The following SND1 variants were observed in gnomAD, a reference collection of about 807,000 sequenced individuals.
The protein encoded by SND1 is staphylococcal nuclease domain-containing protein 1.
A neutral mutation model predicts 121.7 loss-of-function variants in SND1; 38 were observed. The ratio of observed to expected loss-of-function variants is 0.31; its 90% CI spans 0.24 to 0.41. The LOEUF is 0.41. SND1 is among the 10% of genes least tolerant of loss of function. The pLI, the probability that SND1 is intolerant of heterozygous loss-of-function variation, is 1.00. For missense variants in SND1, 868 were observed against 1,184.6 expected (o/e 0.73, Z 3.92); for synonymous variants, 401 against 447.4 (o/e 0.90, Z 1.31).
At chr7:127,787,132 G>A (rs1797827333) in intron 10 of SND1, among the ~76,000 whole-genome samples, 1 of 152,120 alleles carries the variant, frequency 6.6e-6, no homozygotes, top group South Asian at 2.1e-4. Flanking sequence ...GGAACCTCTG[G>A]TACATACTTT....
rs1270487280 is a variant in SND1, at chr7:128,092,359, A to G, written c.*301A>G. On this transcript the variant is annotated 3_prime_UTR_variant, in exon 24 of 24. Coordinates refer to ENST00000354725, the MANE Select transcript of SND1 (RefSeq NM_014390.4). This position sits in a 1 kb window ranked among gnomAD's most constrained non-coding sequence, Gnocchi z 4.9. Reference sequence around the variant, plus strand: ...AAAAAAGTCCTCAAATCAGGAAGAAACATCAAAGACTATGTCCTAGTGGAG... The same window carrying G: ...AAAAAAGTCCTCAAATCAGGAAGAAGCATCAAAGACTATGTCCTAGTGGAG... 4.8e-6 allele frequency: 2 copies of G among 412,918 alleles called. No homozygotes were observed. Among genetic ancestry groups the G allele is most frequent in the Admixed American group, 4.0e-5 (1 of 25,164 alleles). The allele number at this position is 412,918 out of a possible 1,614,324, so 25.6% of individuals were successfully genotyped here. A position where few individuals can be genotyped will look rare whatever the true frequency, so the allele number is the denominator to read the frequency against.
chr7:127,685,411 G>C (rs980998030), intron 1 of SND1, among the ~76,000 whole-genome samples: 1 of 152,148 alleles, frequency 6.6e-6, no homozygotes, highest in African/African-American at 2.4e-5. Flanking sequence ...ACCTTTCGAA[G>C]CTATTTTTTA....
intron 11 of SND1, among the ~76,000 whole-genome samples, chr7:127,842,192 A>G (rs1584611599): frequency 6.6e-6 from 1 of 152,270 alleles, no homozygotes; most frequent in East Asian, 1.9e-4. Flanking sequence ...GCTGTCTTTA[A>G]GCTGATCAGT....
intron 10 of SND1, among the ~76,000 whole-genome samples, chr7:127,732,642 A>G (rs1017265522): frequency 1.3e-5 from 2 of 152,244 alleles, no homozygotes; most frequent in Non-Finnish European, 2.9e-5. Context: ...ACTGTATTCT[A>G]GTTTTCTTGA....
At chr7:127,904,238 T>A (rs957119753) in intron 13 of SND1, 3 of 152,502 alleles carry the variant, frequency 2.0e-5, no homozygotes, top group African/African-American at 7.2e-5. Context: ...ATTTGCTAAT[T>A]TTTTTTCCTA....
Position 127,991,038 on chromosome 7 carries a change from A to G in SND1, c.1761A>G (p.Glu587=). ...AGGAAGCTACACTTTTCACCAAGGA[A>G]CTGGTGCTGCAGCGAGAGGTAGGAC... ...FSEEATLFTK[E]LVLQREVEVE... Residue 587 remains glutamate (E), a synonymous_variant, in exon 16 of 24, where the codon GAA becomes GAG. Transcript: ENST00000354725. The G allele has an allele frequency of 6.2e-7, 1 of 1,613,130 alleles. No homozygotes were observed. Among genetic ancestry groups the G allele is most frequent in the East Asian group, 2.2e-5 (1 of 44,856 alleles).
At chr7:127,795,132 A>G (rs1292834295) in intron 10 of SND1, among the ~76,000 whole-genome samples, 1 of 152,198 alleles carries the variant, frequency 6.6e-6, no homozygotes, top group Non-Finnish European at 1.5e-5. Flanking sequence ...GATCTTCACA[A>G]CTATTAGCTA....
intron 16 of SND1, among the ~76,000 whole-genome samples, chr7:128,012,884 G>A (rs186525644): frequency 6.6e-6 from 1 of 152,282 alleles, no homozygotes; most frequent in Non-Finnish European, 1.5e-5. Flanking sequence ...TACCGAAGCA[G>A]AGGAAGCGTT....
chr7:127,891,226 G>A (rs1800004092), intron 13 of SND1, among the ~76,000 whole-genome samples: 1 of 152,084 alleles, frequency 6.6e-6, no homozygotes, highest in African/African-American at 2.4e-5. Context: ...ATGGTTTGGT[G>A]TTTTGTTTTG....
At chr7:127,904,699 C>T (rs774073141) in intron 13 of SND1, 48 bp from the exon 14 acceptor site, 1 of 1,304,472 alleles carries the variant, frequency 7.7e-7, no homozygotes, top group Non-Finnish European at 1.1e-6. Context: ...CCTACCCCTT[C>T]CCATTGTGAT....
intron 12 of SND1, among the ~76,000 whole-genome samples, chr7:127,877,895 A>G (rs1799720064): frequency 6.6e-6 from 1 of 152,086 alleles, no homozygotes; most frequent in Admixed American, 6.5e-5. Context: ...TTCAATGGGT[A>G]TGTGCTGTAG....
intron 15 of SND1, among the ~76,000 whole-genome samples, chr7:127,937,166 C>A (rs1563063888): frequency 6.6e-6 from 1 of 152,166 alleles, no homozygotes; most frequent in Non-Finnish European, 1.5e-5. Context: ...GCCGTGTTTG[C>A]ATTTCCTTAG....
chr7:128,082,502 A>T (rs1172832844), intron 18 of SND1, among the ~76,000 whole-genome samples: 1 of 152,152 alleles, frequency 6.6e-6, no homozygotes, highest in Non-Finnish European at 1.5e-5. Flanking sequence ...AAACTTGACC[A>T]TTCCTGGCCC....
intron 10 of SND1, among the ~76,000 whole-genome samples, chr7:127,764,056 A>AAAAAAAAAAAAAAAAAAAC (rs1554422863): frequency 3.0e-5 from 4 of 135,216 alleles, no homozygotes; most frequent in Admixed American, 8.0e-5. Context: ...AAAAAAACAA[A>AAAAAAAAAAAAAAAAAAAC]AAAACAAAAA....
At chr7:127,657,847 G>A (rs1795238254) in intron 1 of SND1, among the ~76,000 whole-genome samples, 1 of 152,026 alleles carries the variant, frequency 6.6e-6, no homozygotes, top group Admixed American at 6.6e-5. Flanking sequence ...GTTCCTTCAC[G>A]TTCAGTATCC....
intron 16 of SND1, among the ~76,000 whole-genome samples, chr7:128,018,204 G>C (rs1475450566): frequency 6.6e-6 from 1 of 152,232 alleles, no homozygotes; most frequent in Admixed American, 6.5e-5. Flanking sequence ...ATATAGGAAG[G>C]GGGAGTGCCA....
chr7:128,026,820 C>CATA (rs1397247374), intron 16 of SND1, among the ~76,000 whole-genome samples: 2 of 152,192 alleles, frequency 1.3e-5, no homozygotes, highest in Non-Finnish European at 2.9e-5. Flanking sequence ...TTTGATTATA[C>CATA]CCCCAACAAA....
At chr7:127,809,485 C>T (rs762027558) in intron 11 of SND1, among the ~76,000 whole-genome samples, 1 of 152,208 alleles carries the variant, frequency 6.6e-6, no homozygotes, top group Non-Finnish European at 1.5e-5. Context: ...TGTACTCTGG[C>T]GTCTGGGAGC....
In SND1 at chr7:127,848,759, G is replaced by A. The variant is rs577104492; in HGVS notation, c.1343+4335G>A. Reference sequence around the variant, plus strand: ...GCAGATGAGATGGTGTCTCTTAAAGGGTTATTTCAAAGCCAAAGTTTAGAT... The same window carrying A: ...GCAGATGAGATGGTGTCTCTTAAAGAGTTATTTCAAAGCCAAAGTTTAGAT... On this transcript the variant is annotated intron_variant, in intron 12 of 23. Coordinates refer to ENST00000354725, the MANE Select transcript of SND1 (RefSeq NM_014390.4). 2.9e-4 allele frequency among the ~76,000 whole-genome samples: 44 copies of A among 152,240 alleles called. No homozygotes were observed. The South Asian group carries it at 8.7e-3, about 30-fold the overall frequency.
Sources: gnomAD v4.1 joint callset for allele counts (sites outside exome capture counted in the v4.1 genomes callset) on GRCh38, gnomAD v4.1.1 for gene constraint, Gnocchi (gnomAD v3.1) non-coding constraint, MANE v1.5 for transcripts, NCBI Gene and HGNC (gene_info 2026-07-23, HGNC 2026-07-21) for gene names.